Variants in NWD2 observed in about 807,000 individuals in gnomAD.
NWD2 encodes NACHT and WD repeat domain containing 2.
NWD2 carries 37 observed loss-of-function variants against 132.7 expected under a neutral mutation model. The observed-to-expected ratio is 0.28, with a 90% CI of 0.21 to 0.37. The LOEUF is 0.37. Among genes scored for constraint, NWD2 ranks in the 10% least tolerant of loss-of-function variants. NWD2 has a pLI of 1.00. For missense variants in NWD2, 1,592 were observed against 2,122.4 expected, an observed-to-expected ratio of 0.75 and a Z score of 4.91; for synonymous variants, 705 against 803.0, an observed-to-expected ratio of 0.88 and a Z score of 2.06.
At chr4:37,287,055 A>G (rs761178060) in intron 1 of NWD2, among the ~76,000 whole-genome samples, 20 of 152,186 alleles carry the variant, frequency 1.3e-4, no homozygotes, top group Non-Finnish European at 2.1e-4. Context: ...GGCCCACCTG[A>G]GAGCCGCATG....
intron 1 of NWD2, among the ~76,000 whole-genome samples, chr4:37,295,710 T>A (rs1718476232): frequency 6.6e-6 from 1 of 152,202 alleles, no homozygotes; most frequent in Non-Finnish European, 1.5e-5. Flanking sequence ...GGTTTCCAAA[T>A]GTGTCTAAGG....
chr4:37,250,228 G>A (rs1776571), intron 1 of NWD2, among the ~76,000 whole-genome samples: 122,293 of 152,040 alleles, frequency 0.8, 49,755 homozygotes, highest in East Asian at 0.99. Flanking sequence ...TAAGTTGTCA[G>A]GGGGAATATA....
In NWD2 at chr4:37,244,896, G is replaced by C; in HGVS notation, c.-172G>C. 1 of 758,346 alleles carries C rather than the reference G, an allele frequency of 1.3e-6. No individual in the cohort carries two copies. The highest frequency in any genetic ancestry group is 3.1e-5 in the Admixed American group (1 of 31,812). 47.0% of individuals were successfully genotyped at this position (758,346 alleles called of 1,614,324 possible). A position where few individuals can be genotyped will look rare whatever the true frequency, so the allele number is the denominator to read the frequency against. On this transcript the variant is annotated 5_prime_UTR_variant, in exon 1 of 7. Transcript: ENST00000309447. This position sits in a 1 kb window ranked among gnomAD's most constrained non-coding sequence, Gnocchi z 5.5. ...GGGTCCGTATGGCTTCTCCTCGCCG[G>C]CGGGTGCTGTGCGCCACGGAGCTCG...
intron 1 of NWD2, among the ~76,000 whole-genome samples, chr4:37,269,361 C>T (rs1717822612): frequency 6.6e-6 from 1 of 151,788 alleles, no homozygotes; most frequent in South Asian, 2.1e-4. Context: ...AAAATGGAAG[C>T]TTAGTTTACA....
rs1468883569 is a variant in NWD2 at position 37,348,659 on chromosome 4, T to C, written c.241-7707T>C. Among the ~76,000 whole-genome samples, 382 of 72,346 alleles carry C rather than the reference T, an allele frequency of 5.3e-3. 14 individuals carry two copies. The highest frequency in any genetic ancestry group is 0.016 in the African/African-American group (355 of 21,678). 47.5% of individuals were successfully genotyped at this position (72,346 alleles called of 152,430 possible). A position where few individuals can be genotyped will look rare whatever the true frequency, so the allele number is the denominator to read the frequency against. On this transcript the variant is annotated intron_variant, in intron 2 of 6. Coordinates refer to ENST00000309447, the MANE Select transcript of NWD2 (RefSeq NM_001144990.2). ...ATTCATATATATATATATATATATA[T>C]ATATATATATATATATACACACACA...
intron 3 of NWD2, among the ~76,000 whole-genome samples, chr4:37,359,151 G>T (rs1719927710): frequency 6.6e-6 from 1 of 152,138 alleles, no homozygotes; most frequent in South Asian, 2.1e-4. Context: ...TAATTTGCTG[G>T]TAGGAGAATA....
Position 37,444,966 on chromosome 4 carries a change from C to T in NWD2, c.2978C>T (p.Thr993Ile), listed in dbSNP as rs1258052964. 2.6e-6 allele frequency: 4 copies of T among 1,552,136 alleles called. No homozygotes were observed. Among genetic ancestry groups the T allele is most frequent in the Non-Finnish European group, 3.5e-6 (4 of 1,147,094 alleles). ...LTALENGSIS[T>I]WDVETRQLLR... Reference sequence around the variant, plus strand: ...GCTTTAGAAAATGGTTCCATCAGCACCTGGGATGTAGAGACTCGACAGCTA... The same window carrying T: ...GCTTTAGAAAATGGTTCCATCAGCATCTGGGATGTAGAGACTCGACAGCTA... Residue 993 changes from threonine (T) to isoleucine (I), a missense_variant, in exon 7 of 7, where the codon ACC becomes ATC. Thr to Ile is a moderately conservative substitution (Grantham distance 89, BLOSUM62 -1). Around this residue, in one of 7 missense-constraint regions of NWD2, gnomAD observed 1,071 missense variants for 1,398.0 expected, o/e 0.77. Coordinates refer to ENST00000309447, the MANE Select transcript of NWD2 (RefSeq NM_001144990.2). The surrounding 1 kb of genome is among the most constrained non-coding windows in gnomAD (Gnocchi z 4.8).
chr4:37,311,163 T>A (rs1479436861), intron 1 of NWD2, among the ~76,000 whole-genome samples: 1 of 152,178 alleles, frequency 6.6e-6, no homozygotes, highest in Non-Finnish European at 1.5e-5. Context: ...ATGGGATGGC[T>A]GGGTCAAATG....
chr4:37,444,233 G>T lies in NWD2; in HGVS notation c.2245G>T (p.Asp749Tyr). ...AGCCCAGAAGCTATATCTGCAGGAT[G>T]ACAATGACCTGCGTGAAATGCACAC... ...LIAQKLYLQD[D>Y]NDLREMHTIL... Residue 749 changes from aspartate to tyrosine, a missense_variant, in exon 7 of 7, where the codon GAC becomes TAC. Around this residue, in one of 7 missense-constraint regions of NWD2, gnomAD observed 1,071 missense variants for 1,398.0 expected, o/e 0.77. Coordinates refer to ENST00000309447, the MANE Select transcript of NWD2 (RefSeq NM_001144990.2). This position sits in a 1 kb window ranked among gnomAD's most constrained non-coding sequence, Gnocchi z 4.8. 6.4e-7 allele frequency: 1 copy of T among 1,551,692 alleles called. No homozygotes were observed. Among genetic ancestry groups the T allele is most frequent in the South Asian group, 1.2e-5 (1 of 84,038 alleles).
rs76199554 is a variant in NWD2 at position 37,285,979 on chromosome 4, A to G, written c.152-39957A>G. ...GAAGCAACTTGGTGTTAGAATCATG[A>G]CACCAACTGACATTAGGCCATATGT... On this transcript the variant is annotated intron_variant, in intron 1 of 6. Coordinates refer to ENST00000309447, the MANE Select transcript of NWD2 (RefSeq NM_001144990.2). Among the ~76,000 whole-genome samples the G allele has an allele frequency of 3.2e-3, 481 of 152,348 alleles. 10 individuals carry two copies. In the East Asian group the frequency reaches 0.063, roughly 20 times the overall value.
chr4:37,369,824 T>C (rs934249637), intron 3 of NWD2, among the ~76,000 whole-genome samples: 3 of 152,226 alleles, frequency 2.0e-5, no homozygotes, highest in African/African-American at 7.2e-5. Context: ...CTTGGAAATA[T>C]GCACAGAATG....
chr4:37,438,656 A>G, intron 5 of NWD2, 145 bp from the exon 6 acceptor site: 5 of 580,822 alleles, frequency 8.6e-6, no homozygotes, highest in Non-Finnish European at 1.2e-5. Flanking sequence ...ACAAATAGGA[A>G]ATCAAGAAAT....
chr4:37,294,404 G>C (rs922637469), intron 1 of NWD2, among the ~76,000 whole-genome samples: 1 of 152,082 alleles, frequency 6.6e-6, no homozygotes, highest in Non-Finnish European at 1.5e-5. Flanking sequence ...CCCCACCCAT[G>C]TTCTCATTTC....
At chr4:37,286,594 A>G (rs1718237083) in intron 1 of NWD2, among the ~76,000 whole-genome samples, 1 of 152,210 alleles carries the variant, frequency 6.6e-6, no homozygotes, top group Admixed American at 6.5e-5. Flanking sequence ...CAAGCCCTGT[A>G]GTGTGTAGCC....
At chr4:37,253,447 C>T (rs908557202) in intron 1 of NWD2, among the ~76,000 whole-genome samples, 4 of 152,136 alleles carry the variant, frequency 2.6e-5, no homozygotes, top group South Asian at 2.1e-4. Context: ...CCATGCTCCC[C>T]GGAACAGGTC....
intron 1 of NWD2, among the ~76,000 whole-genome samples, chr4:37,266,049 G>T (rs1311831687): frequency 6.6e-6 from 1 of 151,960 alleles, no homozygotes; most frequent in Non-Finnish European, 1.5e-5. Context: ...ATTCCTTCTG[G>T]CTACCGTCCT....
intron 1 of NWD2, among the ~76,000 whole-genome samples, chr4:37,311,000 A>G (rs1222779360): frequency 6.6e-6 from 1 of 151,906 alleles, no homozygotes; most frequent in African/African-American, 2.4e-5. Context: ...TCCATTGTGT[A>G]TATGTGCCAC....
chr4:37,306,209 T>C (rs1718705360), intron 1 of NWD2, among the ~76,000 whole-genome samples: 1 of 152,168 alleles, frequency 6.6e-6, no homozygotes, highest in Non-Finnish European at 1.5e-5. Context: ...GTTTCTGATT[T>C]TGAGTCTTCT....
chr4:37,422,771 T>G (rs1365080505), intron 3 of NWD2, among the ~76,000 whole-genome samples: 1 of 152,218 alleles, frequency 6.6e-6, no homozygotes, highest in Non-Finnish European at 1.5e-5. Context: ...TTAACAAATA[T>G]GAAAGCTGAA....
Sources: gnomAD v4.1 joint callset for allele counts (sites outside exome capture counted in the v4.1 genomes callset) on GRCh38, gnomAD v4.1.1 for gene constraint, gnomAD v4.1.1 regional missense constraint, Gnocchi (gnomAD v3.1) non-coding constraint, MANE v1.5 for transcripts, NCBI Gene and HGNC (gene_info 2026-07-23, HGNC 2026-07-21) for gene names.